The following SOX6 variants were observed in gnomAD, a reference collection of about 807,000 sequenced individuals.
The protein encoded by SOX6 is SRY-box transcription factor 6.
A neutral mutation model predicts 97.8 loss-of-function variants in SOX6; 11 were observed. The ratio of observed to expected loss-of-function variants is 0.11; its 90% CI spans 0.07 to 0.19. SOX6 has a LOEUF of 0.19. SOX6 is among the 10% of genes least tolerant of loss of function. SOX6 has a pLI of 1.00. For synonymous variants in SOX6, 360 were observed against 371.4 expected, an observed-to-expected ratio of 0.97 and a Z score of 0.35; for missense variants, 810 against 1,039.5, an observed-to-expected ratio of 0.78 and a Z score of 3.04.
chr11:16,686,321 T>A lies in SOX6; in HGVS notation n.429+28509A>T, dbSNP rs560235122. Among the ~76,000 whole-genome samples, 3 of 152,338 alleles carry A rather than the reference T, an allele frequency of 2.0e-5. No individual in the cohort carries two copies. In the East Asian group the frequency reaches 5.8e-4, roughly 29 times the overall value. ...TCCAAATCTTTATGCTCTGCTTCCC[T>A]TTTCAATATAAATTCCATCTTTAAG... On this transcript the variant is annotated intron_variant and non_coding_transcript_variant, in intron 3 of 5. Coordinates refer to the SOX6 transcript ENST00000524520.
At chr11:16,103,198 A>G (rs191046652) in intron 7 of SOX6, among the ~76,000 whole-genome samples, 1 of 152,082 alleles carries the variant, frequency 6.6e-6, no homozygotes, top group East Asian at 1.9e-4. Context: ...CAATCCCATT[A>G]AAAAGTGGGC....
intron 3 of SOX6, among the ~76,000 whole-genome samples, chr11:16,244,754 ATG>A (rs1273579387): frequency 9.9e-5 from 15 of 150,756 alleles, no homozygotes; most frequent in South Asian, 6.3e-4. Context: ...TAGAGTGTGT[ATG>A]TGTGTGTGTG....
At chr11:16,225,747 A>C (rs976364299) in intron 4 of SOX6, among the ~76,000 whole-genome samples, 3 of 152,186 alleles carry the variant, frequency 2.0e-5, no homozygotes, top group African/African-American at 7.2e-5. Context: ...TCATGCAGTG[A>C]AAAAAACCAT....
At chr11:16,437,101 TAAAA>T (rs57209441) in intron 1 of SOX6, among the ~76,000 whole-genome samples, 1 of 144,198 alleles carries the variant, frequency 6.9e-6, no homozygotes, top group Non-Finnish European at 1.5e-5. Context: ...TACAAGAAAT[TAAAA>T]AAAAAAAAAA....
intron 4 of SOX6, among the ~76,000 whole-genome samples, chr11:16,232,200 GC>G (rs967186311): frequency 1.3e-5 from 2 of 151,796 alleles, no homozygotes; most frequent in Non-Finnish European, 2.9e-5. Flanking sequence ...ATAATAACTG[GC>G]CTGGTTTCCA....
chr11:16,270,763 CAT>C (rs1854232434), intron 3 of SOX6, among the ~76,000 whole-genome samples: 1 of 151,292 alleles, frequency 6.6e-6, no homozygotes, highest in African/African-American at 2.4e-5. Context: ...TGATAAAAGT[CAT>C]ACACAAAAGG....
At chr11:16,558,415 A>G (rs1401121066) in intron 4 of SOX6, among the ~76,000 whole-genome samples, 1 of 151,992 alleles carries the variant, frequency 6.6e-6, no homozygotes, top group Non-Finnish European at 1.5e-5. Context: ...TTACTCTCAT[A>G]CCATTCAAGT....
intron 13 of SOX6, among the ~76,000 whole-genome samples, chr11:16,012,539 C>T (rs2133859784): frequency 6.6e-6 from 1 of 152,116 alleles, no homozygotes; most frequent in South Asian, 2.1e-4. Context: ...TCAGGCACTG[C>T]TGCTATGTGT....
chr11:16,243,111 CT>C (rs1221432344), intron 3 of SOX6, among the ~76,000 whole-genome samples: 1 of 151,960 alleles, frequency 6.6e-6, no homozygotes, highest in Non-Finnish European at 1.5e-5. Context: ...TCAATTATGC[CT>C]TGATTCATCA....
chr11:16,019,033 G>A (rs1213961954), intron 12 of SOX6, among the ~76,000 whole-genome samples: 1 of 152,096 alleles, frequency 6.6e-6, no homozygotes, highest in Non-Finnish European at 1.5e-5. Flanking sequence ...TTAAATAACA[G>A]TTTGCTTGCC....
chr11:16,206,378 A>G (rs2134135144), intron 4 of SOX6, among the ~76,000 whole-genome samples: 1 of 152,288 alleles, frequency 6.6e-6, no homozygotes, highest in East Asian at 1.9e-4. Context: ...ATAACTTTTA[A>G]TTCTTTGATT....
At chr11:16,223,915 C>A (rs1852614131) in intron 4 of SOX6, among the ~76,000 whole-genome samples, 1 of 152,000 alleles carries the variant, frequency 6.6e-6, no homozygotes, top group Non-Finnish European at 1.5e-5. Flanking sequence ...TGTATTATAT[C>A]AAAACATATC....
intron 4 of SOX6, among the ~76,000 whole-genome samples, chr11:16,506,947 C>T (rs1027881516): frequency 1.4e-4 from 21 of 151,482 alleles, no homozygotes; most frequent in Non-Finnish European, 2.4e-4. Context: ...ACCTGTAATC[C>T]CAGCTACTCA....
chr11:16,026,006 C>T (rs1041891369), intron 12 of SOX6, among the ~76,000 whole-genome samples: 21 of 152,092 alleles, frequency 1.4e-4, no homozygotes, highest in Admixed American at 3.9e-4. Flanking sequence ...GTCCTGAAGC[C>T]GGCTGGTGAC....
At chr11:16,517,318 G>A (rs1030488023) in intron 4 of SOX6, among the ~76,000 whole-genome samples, 1 of 151,210 alleles carries the variant, frequency 6.6e-6, no homozygotes, top group Non-Finnish European at 1.5e-5. Context: ...AGTGTTGGAA[G>A]TTCTGGCCAG....
intron 1 of SOX6, among the ~76,000 whole-genome samples, chr11:16,475,703 G>GT (rs1860231516): frequency 6.6e-6 from 1 of 152,118 alleles, no homozygotes; most frequent in Admixed American, 6.6e-5. Flanking sequence ...TTATGAAAAT[G>GT]TAACAGAGAG....
In SOX6 at chr11:16,220,727, A is replaced by C. The variant is rs368980015; in HGVS notation, c.535+13855T>G. Among the ~76,000 whole-genome samples, 10 of 152,170 alleles carry C rather than the reference A, an allele frequency of 6.6e-5. No homozygotes were observed. The South Asian group carries it at 2.1e-3, about 32-fold the overall frequency. On this transcript the variant is annotated intron_variant, in intron 4 of 15. Transcript: ENST00000683767. ...CAGTCACTTTACAACTACCTGTCTA[A>C]TCTTCACATTAATCCTGAAATGCAT...
chr11:16,580,584 C>T (rs1055631925), intron 4 of SOX6, among the ~76,000 whole-genome samples: 59 of 152,242 alleles, frequency 3.9e-4, no homozygotes, highest in African/African-American at 1.4e-3. Context: ...CAAAATCAAC[C>T]TAGGTGCTCA....
intron 4 of SOX6, among the ~76,000 whole-genome samples, chr11:16,565,560 A>G (rs1476723806): frequency 1.3e-5 from 2 of 152,162 alleles, no homozygotes; most frequent in Admixed American, 1.3e-4. Context: ...ACAAACAAGT[A>G]TCCACAGTAA....
Sources: gnomAD v4.1 joint callset for allele counts (sites outside exome capture counted in the v4.1 genomes callset) on GRCh38, gnomAD v4.1.1 for gene constraint, MANE v1.5 for transcripts, NCBI Gene and HGNC (gene_info 2026-07-23, HGNC 2026-07-21) for gene names.